SEC22A: variants seen among roughly 807,000 people sequenced by gnomAD.
The protein encoded by SEC22A is SEC22 homolog A, vesicle trafficking protein, also known as vesicle-trafficking protein SEC22a.
SEC22A carries 22 observed loss-of-function variants against 35.3 expected under a neutral mutation model. The ratio of observed to expected loss-of-function variants is 0.62; its 90% confidence interval spans 0.45 to 0.89. The LOEUF (loss-of-function observed/expected upper bound fraction) is 0.89, where lower values mean the gene tolerates loss of function less well. Among genes scored for constraint, SEC22A ranks in the 40% least tolerant of loss-of-function variants. The probability of loss-of-function intolerance (pLI) is 0.00; values close to 1 mark genes in which losing one functional copy is unlikely to be tolerated. For synonymous variants in SEC22A, 119 were observed against 129.5 expected, an observed-to-expected ratio of 0.92 and a Z score of 0.55; for missense variants, 354 against 362.5, an observed-to-expected ratio of 0.98 and a Z score of 0.19.
At position 123,210,054 on chromosome 3, in the gene SEC22A, T is replaced by TAGGA. The variant is rs147431842; in HGVS notation, c.182+657_182+660dup. On this transcript the variant is annotated intron_variant, in intron 2 of 6. Transcript: ENST00000492595. ...GTTGCAGAAAGTGAGGCCAGAAAGG[T>TAGGA]AGGAATGGGGCAAGTTATGTAGTGA... Among the ~76,000 whole-genome samples, 902 of 152,236 alleles carry TAGGA rather than the reference T, an allele frequency of 5.9e-3. 8 individuals are homozygous for TAGGA. Among genetic ancestry groups the TAGGA allele is most frequent in the African/African-American group, 0.02 (830 of 41,536 alleles).
chr3:123,268,186 T>C (rs868231878), intron 6 of SEC22A, among the ~76,000 whole-genome samples: 8 of 152,222 alleles, frequency 5.3e-5, no homozygotes, highest in African/African-American at 1.9e-4. Flanking sequence ...GTTTTTTGTG[T>C]GATGTTTGGC....
chr3:123,205,282 G>GA (rs570865386), intron 1 of SEC22A, among the ~76,000 whole-genome samples: 1 of 152,148 alleles, frequency 6.6e-6, no homozygotes, highest in Non-Finnish European at 1.5e-5. Context: ...TTTTCCCTAA[G>GA]AAAAATCTTA....
At chr3:123,221,101 T>G (rs1303511146) in intron 2 of SEC22A, among the ~76,000 whole-genome samples, 3 of 151,736 alleles carry the variant, frequency 2.0e-5, no homozygotes, top group Non-Finnish European at 4.4e-5. Context: ...TTCTAAACAT[T>G]AATAAATTCT....
chr3:123,265,398 A>T lies in SEC22A; in HGVS notation c.723+5809A>T, dbSNP rs541221283. Among the ~76,000 whole-genome samples, 541 of 150,170 alleles carry T rather than the reference A, an allele frequency of 3.6e-3. 2 individuals are homozygous for T. The highest frequency in any genetic ancestry group is 0.011 in the African/African-American group (450 of 40,796). On this transcript the variant is annotated intron_variant, in intron 6 of 6. Transcript: ENST00000492595. ...CCTTTCCCAGTCTATGTTTTTTTTT[A>T]AAAAAAAATGGTTTCAGATCAGTCT... is the stretch of plus-strand genomic sequence containing the variant.
chr3:123,250,931 T>C (rs1267101430), intron 5 of SEC22A, among the ~76,000 whole-genome samples: 1 of 152,230 alleles, frequency 6.6e-6, no homozygotes, highest in Non-Finnish European at 1.5e-5. Flanking sequence ...TCCTGGTATA[T>C]ATTTATGTGT....
intron 6 of SEC22A, among the ~76,000 whole-genome samples, chr3:123,271,008 T>C (rs924719163): frequency 6.6e-6 from 1 of 152,248 alleles, no homozygotes; most frequent in Admixed American, 6.5e-5. Flanking sequence ...GAATGAATTC[T>C]CCCTCAAATG....
At chr3:123,206,951 T>C (rs963633950) in intron 1 of SEC22A, among the ~76,000 whole-genome samples, 13 of 152,044 alleles carry the variant, frequency 8.6e-5, no homozygotes, top group African/African-American at 2.9e-4. Flanking sequence ...AGCTGGGTGT[T>C]GTGGCGCATG....
intron 6 of SEC22A, among the ~76,000 whole-genome samples, chr3:123,263,162 A>G (rs978329995): frequency 6.6e-6 from 1 of 152,252 alleles, no homozygotes; most frequent in African/African-American, 2.4e-5. Context: ...GGAATTATAT[A>G]GTATATAACT....
At chr3:123,251,589 T>TGGTAGTTGAGA (rs2108085305) in intron 5 of SEC22A, among the ~76,000 whole-genome samples, 1 of 145,442 alleles carries the variant, frequency 6.9e-6, no homozygotes, top group Admixed American at 6.9e-5. Flanking sequence ...CCTGAGAGAG[T>TGGTAGTTGAGA]GATTCTAAGA....
At chr3:123,233,642 A>AAAAC (rs1051425582) in intron 4 of SEC22A, among the ~76,000 whole-genome samples, 1 of 138,550 alleles carries the variant, frequency 7.2e-6, no homozygotes, top group African/African-American at 2.9e-5. Context: ...TCATGGCAAA[A>AAAAC]AAACAAACAA....
chr3:123,266,420 C>T (rs1938027749), intron 6 of SEC22A, among the ~76,000 whole-genome samples: 1 of 152,090 alleles, frequency 6.6e-6, no homozygotes, highest in Non-Finnish European at 1.5e-5. Context: ...TATGCACTAA[C>T]TCCTAAAGAT....
At chr3:123,220,867 C>CATATATATATATATATATATAT (rs563341393) in intron 2 of SEC22A, among the ~76,000 whole-genome samples, 2,073 of 96,370 alleles carry the variant, frequency 0.022, 197 homozygotes, top group Non-Finnish European at 0.035. Context: ...AAAAAGGTCT[C>CATATATATATATATATATATAT]ATATATATAT....
intron 4 of SEC22A, among the ~76,000 whole-genome samples, chr3:123,227,963 A>C (rs1284426132): frequency 8.6e-5 from 13 of 150,594 alleles, no homozygotes. Flanking sequence ...AAAAAAAAAA[A>C]CTCCAGTTCA....
At chr3:123,258,381 C>T (rs755120824) in intron 5 of SEC22A, among the ~76,000 whole-genome samples, 8 of 151,648 alleles carry the variant, frequency 5.3e-5, no homozygotes, top group Non-Finnish European at 1.0e-4. Flanking sequence ...CTACAATGAA[C>T]ATGAACTTTT....
At chr3:123,228,878 A>G (rs1937263827) in intron 4 of SEC22A, among the ~76,000 whole-genome samples, 1 of 152,194 alleles carries the variant, frequency 6.6e-6, no homozygotes, top group Non-Finnish European at 1.5e-5. Flanking sequence ...AAAATTCACT[A>G]GAAGGGCGTA....
chr3:123,269,220 T>TGTGTGTGTGTGTTTA (rs34449858), intron 6 of SEC22A, among the ~76,000 whole-genome samples: 2 of 150,072 alleles, frequency 1.3e-5, no homozygotes, highest in African/African-American at 2.5e-5. Context: ...TGTGTGTATA[T>TGTGTGTGTGTGTTTA]ATTACTGGAA....
At chr3:123,269,234 C>T (rs1275512858) in intron 6 of SEC22A, among the ~76,000 whole-genome samples, 1 of 106,160 alleles carries the variant, frequency 9.4e-6, no homozygotes, top group Non-Finnish European at 2.0e-5. Flanking sequence ...ACTGGAAATG[C>T]TAGCTCATTT....
In SEC22A at chr3:123,217,638, T is replaced by G. The variant is rs1039694005; in HGVS notation, c.183-5921T>G. ...ATGTGACTACAAAGGATAAGCAGAG[T>G]TTCTATGTATAGTGGCACAATTATA... On this transcript the variant is annotated intron_variant, in intron 2 of 6. Coordinates refer to ENST00000492595, the MANE Select transcript of SEC22A (RefSeq NM_012430.5). Among the ~76,000 whole-genome samples, 70 of 152,212 alleles carry G rather than the reference T, an allele frequency of 4.6e-4. 1 individual carries two copies. Among genetic ancestry groups the G allele is most frequent in the African/African-American group, 1.6e-3 (67 of 41,520 alleles).
At chr3:123,266,604 T>C (rs1175276971) in intron 6 of SEC22A, among the ~76,000 whole-genome samples, 2 of 152,182 alleles carry the variant, frequency 1.3e-5, no homozygotes, top group Non-Finnish European at 2.9e-5. Flanking sequence ...TATCTTTCCC[T>C]TACTGATTTC....
Sources: allele counts gnomAD v4.1 joint callset (sites outside exome capture counted in the v4.1 genomes callset), GRCh38; gene constraint gnomAD v4.1.1; transcripts MANE v1.5; gene names NCBI Gene and HGNC (gene_info 2026-07-23, HGNC 2026-07-21).